TCEANC2: variants seen among roughly 807,000 people sequenced by gnomAD.
TCEANC2 encodes the protein transcription elongation factor A N-terminal and central domain-containing protein 2.
A neutral mutation model predicts 22.8 loss-of-function variants in TCEANC2; 20 were observed. That is an observed-to-expected ratio of 0.88 (90% CI 0.62 to 1.28). The LOEUF is 1.28. TCEANC2 is among the 50% of genes most tolerant of loss of function. The pLI, the probability that TCEANC2 is intolerant of heterozygous loss-of-function variation, is 0.00. For missense variants in TCEANC2, 251 were observed against 249.7 expected, an observed-to-expected ratio of 1.01 and a Z score of -0.03; for synonymous variants, 84 against 95.5, an observed-to-expected ratio of 0.88 and a Z score of 0.70.
chr1:54,095,894 G>T (rs894790813), intron 4 of TCEANC2, among the ~76,000 whole-genome samples: 1 of 152,136 alleles, frequency 6.6e-6, no homozygotes, highest in African/African-American at 2.4e-5. Flanking sequence ...TAGACCCCAT[G>T]TCTCTAAAAT....
At chr1:54,066,678 A>G (rs1657963456) in intron 2 of TCEANC2, among the ~76,000 whole-genome samples, 1 of 152,252 alleles carries the variant, frequency 6.6e-6, no homozygotes, top group Non-Finnish European at 1.5e-5. Flanking sequence ...AACCGGGATT[A>G]TATGTTTCAG....
At chr1:54,055,996 A>G (rs1015248143) in intron 2 of TCEANC2, among the ~76,000 whole-genome samples, 1 of 152,206 alleles carries the variant, frequency 6.6e-6, no homozygotes, top group Non-Finnish European at 1.5e-5. Context: ...CAGGCACTTA[A>G]TGCCAATGGC....
At chr1:54,065,307 A>G (rs1657932024) in intron 2 of TCEANC2, among the ~76,000 whole-genome samples, 1 of 152,258 alleles carries the variant, frequency 6.6e-6, no homozygotes, top group Non-Finnish European at 1.5e-5. Context: ...AGAGACAGAA[A>G]TATGAAAGAG....
intron 2 of TCEANC2, 134 bp downstream of exon 2, chr1:54,054,658 C>T (rs1657710953): frequency 1.1e-6 from 1 of 870,332 alleles, no homozygotes; most frequent in Admixed American, 3.1e-5. Context: ...GACCACTCCT[C>T]CTTTGTTTCG....
chr1:54,080,528 C>T (rs1658220165), intron 3 of TCEANC2, among the ~76,000 whole-genome samples: 1 of 152,162 alleles, frequency 6.6e-6, no homozygotes, highest in South Asian at 2.1e-4. Flanking sequence ...ACTCCTCTGC[C>T]CTTTTGGCCC....
chr1:54,067,060 T>G (rs1657970928), intron 2 of TCEANC2, among the ~76,000 whole-genome samples: 1 of 152,158 alleles, frequency 6.6e-6, no homozygotes, highest in Non-Finnish European at 1.5e-5. Context: ...CCACGATATT[T>G]TTTCACTTGG....
chr1:54,075,476 G>C (rs1055655263), intron 3 of TCEANC2, among the ~76,000 whole-genome samples: 1 of 152,178 alleles, frequency 6.6e-6, no homozygotes, highest in Non-Finnish European at 1.5e-5. Context: ...AATGGGCAAG[G>C]GTGGATAGTG....
At position 54,078,194 on chromosome 1, in the gene TCEANC2, T is replaced by C. The variant is rs570883858; in HGVS notation, c.244+9297T>C. 8.3e-4 allele frequency among the ~76,000 whole-genome samples: 126 copies of C among 152,358 alleles called. 1 individual carries two copies. The highest frequency in any genetic ancestry group is 3.0e-3 in the African/African-American group (126 of 41,588). ...TTCATGTTCTTTGTACATTTACTGC[T>C]GAGATCTTATAATTTTTCTTATATA... On this transcript the variant is annotated intron_variant, in intron 3 of 4. Transcript: ENST00000234827.
chr1:54,091,696 G>A (rs1017221255), intron 4 of TCEANC2, among the ~76,000 whole-genome samples: 3 of 152,034 alleles, frequency 2.0e-5, no homozygotes, highest in African/African-American at 4.8e-5. Flanking sequence ...AAACTCCATC[G>A]TTGAAACCCA....
Position 54,097,029 on chromosome 1 carries a change from G to A in TCEANC2, c.*556G>A, listed in dbSNP as rs540377282. The A allele has an allele frequency of 5.1e-6, 5 of 980,690 alleles. No homozygotes were observed. In the African/African-American group the frequency reaches 7.0e-5, roughly 14 times the overall value. The allele number at this position is 980,690 out of a possible 1,614,324, so 60.7% of individuals were successfully genotyped here. A position where few individuals can be genotyped will look rare whatever the true frequency, so the allele number is the denominator to read the frequency against. ...TTATCTGAACGTTTCAGCTCTCCCTGGAAGACCTTCTGCGTTGGTCTCCAG... is the reference window on the plus strand; with the variant it reads ...TTATCTGAACGTTTCAGCTCTCCCTAGAAGACCTTCTGCGTTGGTCTCCAG... On this transcript the variant is annotated 3_prime_UTR_variant, in exon 5 of 5. Transcript: ENST00000234827.
chr1:54,068,656 A>G, intron 2 of TCEANC2, 100 bp from the exon 3 acceptor site: 1 of 1,266,386 alleles, frequency 7.9e-7, no homozygotes, highest in South Asian at 1.8e-5. Flanking sequence ...GGTCATAATC[A>G]ATAATTCATA....
chr1:54,071,193 T>A (rs970993234), intron 3 of TCEANC2, among the ~76,000 whole-genome samples: 2 of 152,222 alleles, frequency 1.3e-5, no homozygotes, highest in African/African-American at 4.8e-5. Flanking sequence ...GGTCTTGGCA[T>A]ATGTATTAGT....
chr1:54,066,015 G>A (rs1038932503), intron 2 of TCEANC2, among the ~76,000 whole-genome samples: 4 of 151,606 alleles, frequency 2.6e-5, no homozygotes, highest in African/African-American at 9.7e-5. Context: ...AGAGGGGGGC[G>A]GAGGTTGCAG....
At chr1:54,086,981 T>C (rs1658350822) in intron 3 of TCEANC2, among the ~76,000 whole-genome samples, 1 of 152,222 alleles carries the variant, frequency 6.6e-6, no homozygotes, top group Non-Finnish European at 1.5e-5. Context: ...CACCCATTCT[T>C]GTCCATGCTT....
rs1217439211 is a variant in TCEANC2 at position 54,101,544 on chromosome 1, TA to T, written c.*5072del. 3.3e-5 allele frequency: 5 copies of T among 152,172 alleles called. No individual in the cohort carries two copies. Among genetic ancestry groups the T allele is most frequent in the Admixed American group, 3.3e-4 (5 of 15,274 alleles). 9.4% of individuals were successfully genotyped at this position (152,172 alleles called of 1,614,324 possible). A position where few individuals can be genotyped will look rare whatever the true frequency, so the allele number is the denominator to read the frequency against. On this transcript the variant is annotated 3_prime_UTR_variant, in exon 5 of 5. Coordinates refer to ENST00000234827, the MANE Select transcript of TCEANC2 (RefSeq NM_153035.3). The stretch of plus-strand genomic sequence containing the variant: ...TGTTGAGTTCTTACGTGTCAGGTAT[TA>T]GGGTCACAGGGATAGAGAAGACATA...
At chr1:54,091,882 A>C (rs1658453596) in intron 4 of TCEANC2, among the ~76,000 whole-genome samples, 1 of 152,302 alleles carries the variant, frequency 6.6e-6, no homozygotes, top group African/African-American at 2.4e-5. Context: ...TGTCATTTAA[A>C]AAAATGAACC....
At chr1:54,091,306 A>G (rs1658443147) in intron 4 of TCEANC2, among the ~76,000 whole-genome samples, 1 of 152,206 alleles carries the variant, frequency 6.6e-6, no homozygotes, top group African/African-American at 2.4e-5. Context: ...ATTAGAGCAA[A>G]TCAATGAACC....
At position 54,056,439 on chromosome 1, in the gene TCEANC2, C is replaced by T. The variant is rs563018365; in HGVS notation, c.102+1915C>T. On this transcript the variant is annotated intron_variant, in intron 2 of 4. Transcript: ENST00000234827. ...CTCCCTGGTTCATGCGAGTCTCCTG[C>T]CTCAGCCTCCCGAGTGGTGGGGATT... Among the ~76,000 whole-genome samples, 4 of 152,106 alleles carry T rather than the reference C, an allele frequency of 2.6e-5. No homozygotes were observed. The South Asian group carries it at 8.3e-4, about 32-fold the overall frequency.
At chr1:54,076,687 G>C (rs1394033677) in intron 3 of TCEANC2, among the ~76,000 whole-genome samples, 1 of 152,138 alleles carries the variant, frequency 6.6e-6, no homozygotes, top group Non-Finnish European at 1.5e-5. Context: ...TAGGAAAAGG[G>C]TGTTATAGAG....
Sources: gnomAD v4.1 joint callset for allele counts (sites outside exome capture counted in the v4.1 genomes callset) on GRCh38, gnomAD v4.1.1 for gene constraint, MANE v1.5 for transcripts, NCBI Gene and HGNC (gene_info 2026-07-23, HGNC 2026-07-21) for gene names.